GPC6: variants seen among roughly 807,000 people sequenced by gnomAD.
The protein encoded by GPC6 is glypican-6.
A neutral mutation model predicts 55.2 loss-of-function variants in GPC6; 14 were observed. That is an observed-to-expected ratio of 0.25 (90% CI 0.17 to 0.40). GPC6 has a LOEUF of 0.40. GPC6 is among the 10% of genes least tolerant of loss of function. The pLI, the probability that GPC6 is intolerant of heterozygous loss-of-function variation, is 1.00. For synonymous variants in GPC6, 278 were observed against 259.6 expected (o/e 1.07, Z -0.68); for missense variants, 641 against 708.5 (o/e 0.90, Z 1.08).
At chr13:93,879,702 A>C (rs1268081852) in intron 3 of GPC6, among the ~76,000 whole-genome samples, 5 of 151,888 alleles carry the variant, frequency 3.3e-5, no homozygotes, top group African/African-American at 1.2e-4. Context: ...ACAAAAGCCA[A>C]AATTGACAAA....
At chr13:93,531,769 A>G (rs910169291) in intron 1 of GPC6, among the ~76,000 whole-genome samples, 2 of 152,216 alleles carry the variant, frequency 1.3e-5, no homozygotes, top group African/African-American at 4.8e-5. Flanking sequence ...ATTTGAAAAC[A>G]TAATACATAT....
intron 6 of GPC6, among the ~76,000 whole-genome samples, chr13:94,364,416 G>A (rs1055556350): frequency 1.3e-5 from 2 of 152,126 alleles, no homozygotes; most frequent in African/African-American, 4.8e-5. Flanking sequence ...TTACCTCACC[G>A]GGGTAAGAAC....
chr13:93,848,999 C>T (rs1888300646), intron 3 of GPC6, among the ~76,000 whole-genome samples: 1 of 152,052 alleles, frequency 6.6e-6, no homozygotes, highest in South Asian at 2.1e-4. Context: ...AACCCCTGTA[C>T]TAAGATTTCA....
At chr13:94,199,043 A>G (rs1425417759) in intron 4 of GPC6, among the ~76,000 whole-genome samples, 1 of 152,214 alleles carries the variant, frequency 6.6e-6, no homozygotes, top group Non-Finnish European at 1.5e-5. Flanking sequence ...GTTTAGGGCA[A>G]TGGCATGCCA....
chr13:93,330,907 A>G (rs1051678316), intron 1 of GPC6, among the ~76,000 whole-genome samples: 6 of 152,078 alleles, frequency 3.9e-5, no homozygotes, highest in African/African-American at 1.4e-4. Context: ...CAGTTCTATC[A>G]CTTTTTTTGG....
chr13:93,825,415 A>C (rs67112141), intron 2 of GPC6, among the ~76,000 whole-genome samples: 29,289 of 152,214 alleles, frequency 0.19, 3,593 homozygotes, highest in Non-Finnish European at 0.26. Flanking sequence ...CACAAGCTGC[A>C]GCTTGCAAAG....
At chr13:93,239,102 T>C (rs991236737) in intron 1 of GPC6, among the ~76,000 whole-genome samples, 1 of 152,060 alleles carries the variant, frequency 6.6e-6, no homozygotes, top group African/African-American at 2.4e-5. Flanking sequence ...ACTGGCTTCA[T>C]AGGATGAGTT....
At chr13:93,803,323 A>G (rs577582368) in intron 2 of GPC6, among the ~76,000 whole-genome samples, 3 of 152,300 alleles carry the variant, frequency 2.0e-5, no homozygotes, top group East Asian at 3.9e-4. Flanking sequence ...AGATATAGAA[A>G]TAGGGAATAT....
chr13:93,920,785 G>T (rs1467501048), intron 3 of GPC6, among the ~76,000 whole-genome samples: 1 of 152,072 alleles, frequency 6.6e-6, no homozygotes, highest in Non-Finnish European at 1.5e-5. Flanking sequence ...TTCTGTCCAG[G>T]GCTACCTATA....
chr13:94,027,020 C>A (rs1346694739), intron 3 of GPC6, among the ~76,000 whole-genome samples: 1 of 152,152 alleles, frequency 6.6e-6, no homozygotes, highest in Non-Finnish European at 1.5e-5. Context: ...AATTAGAATT[C>A]TTAATGAGTC....
intron 3 of GPC6, among the ~76,000 whole-genome samples, chr13:93,915,970 C>T (rs867582808): frequency 8.5e-5 from 13 of 152,192 alleles, no homozygotes; most frequent in South Asian, 8.3e-4. Flanking sequence ...TGGGTGACTA[C>T]AGGAAGCCAG....
intron 1 of GPC6, among the ~76,000 whole-genome samples, chr13:93,260,509 C>T (rs1421115692): frequency 6.6e-6 from 1 of 152,028 alleles, no homozygotes; most frequent in African/African-American, 2.4e-5. Flanking sequence ...CTTGTTATCA[C>T]CGCCTCTTAG....
chr13:93,480,763 C>T (rs1879487145), intron 1 of GPC6, among the ~76,000 whole-genome samples: 2 of 152,186 alleles, frequency 1.3e-5, no homozygotes. Flanking sequence ...TACACTGTAG[C>T]ACATGGAAGA....
chr13:93,372,780 GT>G (rs1246146250), intron 1 of GPC6, among the ~76,000 whole-genome samples: 2 of 152,108 alleles, frequency 1.3e-5, no homozygotes, highest in Non-Finnish European at 2.9e-5. Flanking sequence ...CAGACATACT[GT>G]TGTTGGTAAA....
intron 2 of GPC6, among the ~76,000 whole-genome samples, chr13:93,576,654 C>A (rs1876679576): frequency 6.6e-6 from 1 of 152,074 alleles, no homozygotes; most frequent in Non-Finnish European, 1.5e-5. Context: ...TAGTGTCATG[C>A]TAACGTACAA....
intron 4 of GPC6, among the ~76,000 whole-genome samples, chr13:94,208,517 A>C (rs1467448802): frequency 6.6e-6 from 1 of 152,144 alleles, no homozygotes; most frequent in Non-Finnish European, 1.5e-5. Flanking sequence ...AAGGTGAAAA[A>C]GAAGGGAGAA....
chr13:94,042,684 A>T (rs1394970819), intron 4 of GPC6, among the ~76,000 whole-genome samples: 1 of 151,814 alleles, frequency 6.6e-6, no homozygotes, highest in South Asian at 2.1e-4. Flanking sequence ...ACTGTATTTT[A>T]TCCCATTATT....
intron 2 of GPC6, among the ~76,000 whole-genome samples, chr13:93,589,386 A>G (rs1373467455): frequency 6.6e-6 from 1 of 152,200 alleles, no homozygotes; most frequent in Non-Finnish European, 1.5e-5. Flanking sequence ...CATTAATTCA[A>G]TTATCTATGT....
intron 4 of GPC6, among the ~76,000 whole-genome samples, chr13:94,101,576 T>C (rs1885862392): frequency 6.6e-6 from 1 of 152,208 alleles, no homozygotes; most frequent in Non-Finnish European, 1.5e-5. Context: ...GATATTCTCC[T>C]TATATGAAAG....
Sources: allele counts gnomAD v4.1 joint callset (sites outside exome capture counted in the v4.1 genomes callset), GRCh38; gene constraint gnomAD v4.1.1; transcripts MANE v1.5; gene names NCBI Gene and HGNC (gene_info 2026-07-23, HGNC 2026-07-21).